EBF1: variants seen among roughly 807,000 people sequenced by gnomAD.
EBF1 encodes EBF transcription factor 1.
Under a neutral mutation model 68.4 loss-of-function variants are expected in EBF1, and 10 were observed. The ratio of observed to expected loss-of-function variants is 0.15; its 90% CI spans 0.09 to 0.25. The LOEUF (loss-of-function observed/expected upper bound fraction) is 0.25. Among genes scored for constraint, EBF1 ranks in the 10% least tolerant of loss-of-function variants. The pLI is 1.00. For synonymous variants in EBF1, 298 were observed against 299.8 expected (o/e 0.99, Z 0.06); for missense variants, 509 against 794.4 (o/e 0.64, Z 4.32).
chr5:159,096,227 CAAAT>C, intron 3 of EBF1, 112 bp downstream of exon 3: 1 of 1,153,504 alleles, frequency 8.7e-7, no homozygotes, highest in Non-Finnish European at 1.2e-6. Context: ...TGGTTCACCT[CAAAT>C]AAAGCGGATG....
chr5:158,720,107 G>GA (rs1761617218), intron 11 of EBF1, among the ~76,000 whole-genome samples: 1 of 152,132 alleles, frequency 6.6e-6, no homozygotes, highest in Non-Finnish European at 1.5e-5. Flanking sequence ...AGTGAAATGA[G>GA]AAAATCACTC....
At chr5:158,877,701 C>CAA (rs70987941) in intron 6 of EBF1, among the ~76,000 whole-genome samples, 1 of 40,548 alleles carries the variant, frequency 2.5e-5, no homozygotes, top group Non-Finnish European at 8.3e-5. Context: ...ACTACAAACG[C>CAA]ACACACACAC....
chr5:158,901,595 A>G (rs180792767), intron 6 of EBF1, among the ~76,000 whole-genome samples: 73 of 152,388 alleles, frequency 4.8e-4, no homozygotes, highest in African/African-American at 1.7e-3. Flanking sequence ...TTAGTCAACA[A>G]GCATTTTCCA....
chr5:159,035,718 T>G (rs1171061390), intron 6 of EBF1, among the ~76,000 whole-genome samples: 3 of 152,192 alleles, frequency 2.0e-5, no homozygotes, highest in African/African-American at 7.2e-5. Context: ...CCAAATTATT[T>G]TATATGGGTA....
At chr5:158,756,193 C>A (rs1256611117) in intron 10 of EBF1, among the ~76,000 whole-genome samples, 1 of 152,088 alleles carries the variant, frequency 6.6e-6, no homozygotes, top group East Asian at 1.9e-4. Flanking sequence ...CTGGCCAAAT[C>A]TCAACCACAG....
intron 6 of EBF1, among the ~76,000 whole-genome samples, chr5:158,914,104 A>G (rs1583122109): frequency 6.6e-6 from 1 of 152,276 alleles, no homozygotes; most frequent in Non-Finnish European, 1.5e-5. Flanking sequence ...GAGCTGGGAC[A>G]CACCAGCTGT....
chr5:158,701,207 G>T (rs1756694910), intron 15 of EBF1, among the ~76,000 whole-genome samples: 3 of 152,152 alleles, frequency 2.0e-5, no homozygotes, highest in Non-Finnish European at 4.4e-5. Context: ...TATTCTGCGT[G>T]CCTGGCATTA....
intron 10 of EBF1, among the ~76,000 whole-genome samples, chr5:158,755,128 G>A (rs1000770142): frequency 6.6e-6 from 1 of 151,898 alleles, no homozygotes; most frequent in Admixed American, 6.6e-5. Flanking sequence ...TGATGATGGT[G>A]TAGAGTTTTT....
intron 6 of EBF1, among the ~76,000 whole-genome samples, chr5:158,998,551 A>G (rs1483246018): frequency 6.6e-6 from 1 of 152,236 alleles, no homozygotes; most frequent in Admixed American, 6.5e-5. Context: ...AAATGAATGC[A>G]CTAAGTGTCT....
intron 11 of EBF1, among the ~76,000 whole-genome samples, chr5:158,716,261 T>G (rs1267387846): frequency 5.3e-5 from 8 of 152,158 alleles, no homozygotes; most frequent in Non-Finnish European, 1.0e-4. Context: ...TCTACTTTTT[T>G]TTTTCTCCTT....
chr5:158,756,914 G>T (rs551375893), intron 10 of EBF1, among the ~76,000 whole-genome samples: 1 of 149,622 alleles, frequency 6.7e-6, no homozygotes, highest in East Asian at 2.0e-4. Context: ...TGAGGCACTG[G>T]ACATAAAAGA....
At chr5:158,955,434 A>G (rs536945015) in intron 6 of EBF1, among the ~76,000 whole-genome samples, 1 of 152,336 alleles carries the variant, frequency 6.6e-6, no homozygotes, top group Admixed American at 6.5e-5. Flanking sequence ...GGGCTAACTC[A>G]GCAGCCTGGG....
At chr5:158,759,499 G>T (rs948996910) in intron 10 of EBF1, among the ~76,000 whole-genome samples, 2 of 152,176 alleles carry the variant, frequency 1.3e-5, no homozygotes, top group Admixed American at 1.3e-4. Context: ...GTGGCTGGGG[G>T]ATGGGATAGG....
At chr5:158,701,300 G>A (rs983169029) in intron 15 of EBF1, among the ~76,000 whole-genome samples, 21 of 151,958 alleles carry the variant, frequency 1.4e-4, no homozygotes, top group Non-Finnish European at 2.9e-4. Flanking sequence ...AATTTGGTTG[G>A]TGGGTCCAGC....
intron 15 of EBF1, among the ~76,000 whole-genome samples, chr5:158,703,622 C>T (rs1311725181): frequency 6.7e-6 from 1 of 148,874 alleles, no homozygotes; most frequent in Non-Finnish European, 1.5e-5. Context: ...AAAAAAAAAC[C>T]CTCAGATATA....
At chr5:159,080,550 G>A (rs773091244) in intron 5 of EBF1, among the ~76,000 whole-genome samples, 7 of 152,174 alleles carry the variant, frequency 4.6e-5, no homozygotes, top group Admixed American at 2.0e-4. Flanking sequence ...TTGATTCAAA[G>A]TTCTTTTATC....
At position 159,085,602 on chromosome 5, in the gene EBF1, C is replaced by T. The variant is rs73818932; in HGVS notation, c.412-863G>A. ...CAGCTATTAGCAGAGCAGGGCTCTG[C>T]AGTGGGCTACATTTAGCTAATTTAA... On this transcript the variant is annotated intron_variant, in intron 4 of 15. Transcript: ENST00000313708. Among the ~76,000 whole-genome samples the T allele has an allele frequency of 1.5e-3, 233 of 152,308 alleles. 2 individuals are homozygous for T. The highest frequency in any genetic ancestry group is 5.1e-3 in the African/African-American group (214 of 41,576).
At chr5:158,858,285 A>G (rs1199471404) in intron 6 of EBF1, among the ~76,000 whole-genome samples, 2 of 152,158 alleles carry the variant, frequency 1.3e-5, no homozygotes, top group African/African-American at 4.8e-5. Context: ...AGACATGGCA[A>G]TTCTTCAAAG....
chr5:158,871,329 T>C (rs1281270399), intron 6 of EBF1, among the ~76,000 whole-genome samples: 1 of 152,240 alleles, frequency 6.6e-6, no homozygotes. Context: ...CAAATCTGCA[T>C]GACCATCCCC....
Sources: gnomAD v4.1 joint callset for allele counts (sites outside exome capture counted in the v4.1 genomes callset) on GRCh38, gnomAD v4.1.1 for gene constraint, MANE v1.5 for transcripts, NCBI Gene and HGNC (gene_info 2026-07-23, HGNC 2026-07-21) for gene names.